ERO1B: variants seen among roughly 807,000 people sequenced by gnomAD.
The protein encoded by ERO1B is endoplasmic reticulum oxidoreductase 1 beta.
In ERO1B, 49 loss-of-function variants were observed where a neutral mutation model predicts 75.3. That is an observed-to-expected ratio of 0.65 (90% CI 0.52 to 0.83). The LOEUF is 0.83. Among genes scored for constraint, ERO1B ranks in the 40% least tolerant of loss-of-function variants. ERO1B has a pLI of 0.00. For missense variants in ERO1B, 512 were observed against 560.1 expected, an observed-to-expected ratio of 0.91 and a Z score of 0.87; for synonymous variants, 191 against 192.9, an observed-to-expected ratio of 0.99 and a Z score of 0.08.
At chr1:236,240,786 C>G (rs1186249883) in intron 6 of ERO1B, among the ~76,000 whole-genome samples, 1 of 150,718 alleles carries the variant, frequency 6.6e-6, no homozygotes, top group Non-Finnish European at 1.5e-5. Context: ...GGAAGACTGA[C>G]AAGAAACCGA....
At chr1:236,265,231 G>A (rs971938999) in intron 2 of ERO1B, among the ~76,000 whole-genome samples, 2 of 151,780 alleles carry the variant, frequency 1.3e-5, no homozygotes, top group African/African-American at 2.4e-5. Flanking sequence ...GCTGATGTTA[G>A]GACTGAAATC....
rs1664977290 is a variant in ERO1B at position 236,249,982 on chromosome 1, G to GT, written c.349-16dup. 1 of 1,541,770 alleles carries GT rather than the reference G, an allele frequency of 6.5e-7. No individual in the cohort carries two copies. Among genetic ancestry groups the GT allele is most frequent in the East Asian group, 2.3e-5 (1 of 43,832 alleles). On this transcript the variant is annotated splice_polypyrimidine_tract_variant and intron_variant, in intron 4 of 15. Coordinates refer to ENST00000354619, the MANE Select transcript of ERO1B (RefSeq NM_019891.4). ...ATTTTCAAGTACTGCAAAGAAGTTCGTAAGTTTAGTAAAAATTATTACCTT... is the reference window on the plus strand; with the variant it reads ...ATTTTCAAGTACTGCAAAGAAGTTCGTTAAGTTTAGTAAAAATTATTACCTT...
At chr1:236,235,168 T>C (rs989559710) in intron 8 of ERO1B, among the ~76,000 whole-genome samples, 2 of 152,348 alleles carry the variant, frequency 1.3e-5, no homozygotes, top group Middle Eastern at 3.4e-3. Context: ...ACAGTACAGA[T>C]ATAGAGCACT....
rs779549567 is a variant in ERO1B at position 236,230,259 on chromosome 1, G to C, written c.686-9C>G. On this transcript the variant is annotated splice_polypyrimidine_tract_variant and intron_variant, in intron 9 of 15. Transcript: ENST00000354619. ...TGTGTAGAATGATTCTCCTGAGAGA[G>C]AGAGAAAAGTGGATTAAAACATTAT... 6 of 1,588,346 alleles carry C rather than the reference G, an allele frequency of 3.8e-6. No individual in the cohort carries two copies. Among genetic ancestry groups the C allele is most frequent in the Non-Finnish European group, 3.5e-6 (4 of 1,158,750 alleles).
chr1:236,281,534 C>A, intron 1 of ERO1B, 148 bp downstream of exon 1: 1 of 503,554 alleles, frequency 2.0e-6, no homozygotes, highest in Non-Finnish European at 3.2e-6. Flanking sequence ...ACGGTCAGGT[C>A]TCTGCTCCCC....
chr1:236,281,426 CA>C (rs1397804061), intron 1 of ERO1B: 1 of 358,128 alleles, frequency 2.8e-6, no homozygotes, highest in Non-Finnish European at 5.0e-6. Context: ...GAAAACAGCT[CA>C]GGGGGACCGT....
rs944186429 is a variant in ERO1B, at chr1:236,217,729, C to A, written c.*787G>T. On this transcript the variant is annotated 3_prime_UTR_variant, in exon 16 of 16. Transcript: ENST00000354619. Reference sequence around the variant, plus strand: ...CAAAATGTCTTTGTCCCTAAAATTTCTAGGGGCAGAGAAAAGCAAAATCAA... The same window carrying A: ...CAAAATGTCTTTGTCCCTAAAATTTATAGGGGCAGAGAAAAGCAAAATCAA... 2.0e-5 allele frequency: 3 copies of A among 152,342 alleles called. No individual in the cohort carries two copies. Among genetic ancestry groups the A allele is most frequent in the Admixed American group, 1.3e-4 (2 of 15,250 alleles). The allele number at this position is 152,342 out of a possible 1,614,324, so 9.4% of individuals were successfully genotyped here. A position where few individuals can be genotyped will look rare whatever the true frequency, so the allele number is the denominator to read the frequency against.
chr1:236,240,676 C>T (rs1197011517), intron 6 of ERO1B, among the ~76,000 whole-genome samples: 1 of 152,158 alleles, frequency 6.6e-6, no homozygotes, highest in East Asian at 1.9e-4. Flanking sequence ...CAAGTATTTA[C>T]TAAGCATCTA....
At position 236,223,202 on chromosome 1, in the gene ERO1B, C is replaced by CAAA. The variant is rs11322079; in HGVS notation, c.1123-1195_1123-1193dup. On this transcript the variant is annotated intron_variant, in intron 13 of 15. Transcript: ENST00000354619. ...GGGCAACTAGAGTGAAACTCTGTCTCAAAAAAAAAAAAAAAAAAAAAAGAG... is the reference window on the plus strand; with the variant it reads ...GGGCAACTAGAGTGAAACTCTGTCTCAAAAAAAAAAAAAAAAAAAAAAAAAGAG... 2.5e-3 allele frequency among the ~76,000 whole-genome samples: 200 copies of CAAA among 80,906 alleles called. 1 individual carries two copies. The highest frequency in any genetic ancestry group is 8.9e-3 in the African/African-American group (187 of 20,978). 53.1% of individuals were successfully genotyped at this position (80,906 alleles called of 152,430 possible).
chr1:236,251,089 A>G (rs1665015004), intron 4 of ERO1B, among the ~76,000 whole-genome samples: 1 of 152,200 alleles, frequency 6.6e-6, no homozygotes, highest in Non-Finnish European at 1.5e-5. Context: ...TATTAAGATG[A>G]TGAGCAAAAT....
chr1:236,215,564 CAT>C lies in ERO1B; in HGVS notation c.*2950_*2951del. On this transcript the variant is annotated 3_prime_UTR_variant, in exon 16 of 16. Coordinates refer to ENST00000354619, the MANE Select transcript of ERO1B (RefSeq NM_019891.4). ...AACAAGACAGAAAAGATTGCAGAAA[CAT>C]GTACTTTAATTCACATTTTCTAGAT... is the stretch of plus-strand genomic sequence containing the variant. 1 of 152,288 alleles carries C rather than the reference CAT, an allele frequency of 6.6e-6. No homozygotes were observed. Among genetic ancestry groups the C allele is most frequent in the East Asian group, 1.9e-4 (1 of 5,192 alleles). The allele number at this position is 152,288 out of a possible 1,614,324, so 9.4% of individuals were successfully genotyped here. A position where few individuals can be genotyped will look rare whatever the true frequency, so the allele number is the denominator to read the frequency against.
chr1:236,244,763 C>T (rs1169283036), intron 5 of ERO1B, among the ~76,000 whole-genome samples: 2 of 152,128 alleles, frequency 1.3e-5, no homozygotes, highest in Admixed American at 1.3e-4. Flanking sequence ...ATAAAGCTGG[C>T]TCAGTTTGAT....
At chr1:236,240,783 T>C (rs754643504) in intron 6 of ERO1B, among the ~76,000 whole-genome samples, 3 of 151,052 alleles carry the variant, frequency 2.0e-5, no homozygotes, top group African/African-American at 4.9e-5. Context: ...TGGGGAAGAC[T>C]GACAAGAAAC....
intron 6 of ERO1B, among the ~76,000 whole-genome samples, chr1:236,239,530 C>T (rs1000010399): frequency 3.3e-5 from 5 of 151,852 alleles, no homozygotes; most frequent in Non-Finnish European, 5.9e-5. Flanking sequence ...GCCAAGTTCT[C>T]TACAAACACA....
At chr1:236,247,733 C>T (rs1276866211) in intron 5 of ERO1B, among the ~76,000 whole-genome samples, 7 of 152,148 alleles carry the variant, frequency 4.6e-5, no homozygotes, top group Admixed American at 4.6e-4. Flanking sequence ...ATCTTTTGAC[C>T]TTGTCTTCTG....
At chr1:236,243,567 G>A (rs1664766233) in intron 5 of ERO1B, 72 bp from the exon 6 acceptor site, 3 of 952,908 alleles carry the variant, frequency 3.1e-6, no homozygotes, top group South Asian at 1.8e-5. Flanking sequence ...GTATTCTAGT[G>A]TAATTAAAAT....
At position 236,261,941 on chromosome 1, in the gene ERO1B, T is replaced by TCAAAAAAAA. The variant is rs71297722; in HGVS notation, c.222+7933_222+7934insTTTTTTTTG. ...CCAGGCAACAGAGCAAGGCTCTGTCTCAAAAACAAAAACAAAAACAAACAA... is the reference window on the plus strand; with the variant it reads ...CCAGGCAACAGAGCAAGGCTCTGTCTCAAAAAAAACAAAAACAAAAACAAAAACAAACAA... On this transcript the variant is annotated intron_variant, in intron 2 of 15. Transcript: ENST00000354619. 6.2e-3 allele frequency among the ~76,000 whole-genome samples: 947 copies of TCAAAAAAAA among 151,660 alleles called. 11 individuals carry two copies. Among genetic ancestry groups the TCAAAAAAAA allele is most frequent in the African/African-American group, 0.022 (896 of 41,358 alleles).
At chr1:236,237,200 A>G (rs1354607159) in intron 6 of ERO1B, among the ~76,000 whole-genome samples, 1 of 148,528 alleles carries the variant, frequency 6.7e-6, no homozygotes, top group Non-Finnish European at 1.5e-5. Context: ...GCTCACCACA[A>G]CCTCCGCCTC....
At chr1:236,220,782 G>C (rs1398659208) in intron 15 of ERO1B, 50 bp downstream of exon 15, 4 of 1,468,616 alleles carry the variant, frequency 2.7e-6, no homozygotes, top group Non-Finnish European at 3.6e-6. Context: ...TTTGCAGTTT[G>C]TTGAAACCCA....
Sources: gnomAD v4.1 joint callset for allele counts (sites outside exome capture counted in the v4.1 genomes callset) on GRCh38, gnomAD v4.1.1 for gene constraint, MANE v1.5 for transcripts, NCBI Gene and HGNC (gene_info 2026-07-23, HGNC 2026-07-21) for gene names.